Variants in CHTF18 observed in about 807,000 individuals in gnomAD.
The protein encoded by CHTF18 is chromosome transmission fidelity factor 18, also known as chromosome transmission fidelity protein 18 homolog.
CHTF18 carries 151 observed loss-of-function variants against 113.4 expected under a neutral mutation model. That is an observed-to-expected ratio of 1.33 (90% confidence interval 1.17 to 1.52). CHTF18 has a LOEUF of 1.52. Among genes scored for constraint, CHTF18 ranks in the 40% most tolerant of loss-of-function variants. The pLI is 0.00. For missense variants in CHTF18, 1,982 were observed against 1,381.6 expected, an observed-to-expected ratio of 1.43 and a Z score of -6.89; for synonymous variants, 916 against 598.8, an observed-to-expected ratio of 1.53 and a Z score of -7.74.
At chr16:792,852 T>C in intron 12 of CHTF18, 41 bp downstream of exon 12, 1 of 1,534,148 alleles carries the variant, frequency 6.5e-7, no homozygotes, top group Non-Finnish European at 8.8e-7. Flanking sequence ...ATGGCGGGGT[T>C]GGGGGCGTGG....
At chr16:793,928 A>G in intron 14 of CHTF18, 126 bp from the exon 15 acceptor site, 1 of 1,046,634 alleles carries the variant, frequency 9.6e-7, no homozygotes, top group Non-Finnish European at 1.4e-6. Flanking sequence ...CGAGGCAGCA[A>G]GGGCCCTGCT....
rs777169999 is a variant in CHTF18 at position 788,977 on chromosome 16, C to T, written c.138C>T (p.Gly46=). 38 of 1,564,696 alleles carry T rather than the reference C, an allele frequency of 2.4e-5. No homozygotes were observed. The Admixed American group carries it at 5.0e-4, about 21-fold the overall frequency. ...CCGGGGTCCCCCTGTTCACCGCGGG[C>T]CGACCCCCGCGGACGTTCGAGGAGG... ...SPSGVPLFTA[G]RPPRTFEEAL... Residue 46 remains glycine (G), a synonymous_variant, in exon 2 of 22, where the codon GGC becomes GGT. Transcript: ENST00000262315.
At chr16:794,705 G>A in intron 15 of CHTF18, 1 of 236,612 alleles carries the variant, frequency 4.2e-6, no homozygotes, top group South Asian at 7.2e-5. Context: ...GGGGCAGCGT[G>A]GAGCAGCGGC....
At chr16:790,477 G>C (rs767041424) in intron 6 of CHTF18, 48 bp from the exon 7 acceptor site, 1 of 1,608,148 alleles carries the variant, frequency 6.2e-7, no homozygotes. Context: ...GTGTGGGTTG[G>C]CATGGTCCCT....
rs2042326269 is a variant in CHTF18, at chr16:795,772, C to T, written c.2263C>T (p.Gln755Ter). 2.5e-6 allele frequency: 4 copies of T among 1,609,796 alleles called. No homozygotes were observed. Among genetic ancestry groups the T allele is most frequent in the Non-Finnish European group, 2.5e-6 (3 of 1,178,976 alleles). Reference sequence around the variant, plus strand: ...AGCCACGCGCAGCCGGGCCACGCCCCAGGCCCTGCTCCTCGATGCCCTCTG... The same window carrying T: ...AGCCACGCGCAGCCGGGCCACGCCCTAGGCCCTGCTCCTCGATGCCCTCTG... ...APATRSRATP[Q>*]ALLLDALCLL... The change falls in exon 17 of 22, where the codon CAG becomes TAG. Residue 755 changes from glutamine to a stop codon, truncating the protein, a stop_gained. Transcript: ENST00000262315. LOFTEE classifies it high-confidence loss of function.
rs2042190846 is a variant in CHTF18 at position 791,365 on chromosome 16, CAGA to C, written c.1102_1104del (p.Lys368del). ...GCTGGACCCGAGCCAGCGACCGAAG[CAGA>C]AGGTGAGCCCCGCTGGCTGTGCCGC... is the stretch of plus-strand genomic sequence containing the variant. On this transcript the variant is annotated inframe_deletion and splice_region_variant, in exon 8 of 22. Transcript: ENST00000262315. 7 of 1,601,328 alleles carry C rather than the reference CAGA, an allele frequency of 4.4e-6. No homozygotes were observed. Among genetic ancestry groups the C allele is most frequent in the Non-Finnish European group, 5.9e-6 (7 of 1,176,882 alleles).
chr16:793,697 C>A, intron 14 of CHTF18: 1 of 616,782 alleles, frequency 1.6e-6, no homozygotes, highest in Non-Finnish European at 3.0e-6. Context: ...GCCATGGGAC[C>A]CCAGGGGATG....
Position 793,026 on chromosome 16 carries a change from A to G in CHTF18, c.1633A>G (p.Thr545Ala). The change falls in exon 13 of 22, where the codon ACT (threonine) becomes GCT (alanine). Residue 545 changes from threonine (T) to alanine (A), a missense_variant. Coordinates refer to ENST00000262315, the MANE Select transcript of CHTF18 (RefSeq NM_022092.3). ...PGVLAALCEK[T>A]DNDIRACINT... is the part of the protein sequence containing the mutation. ...GGTGCTGGCCGCCCTCTGTGAGAAA[A>G]CTGACAATGACATCCGGGCCTGCAT... 1 of 1,564,228 alleles carries G rather than the reference A, an allele frequency of 6.4e-7. No individual in the cohort carries two copies. The highest frequency in any genetic ancestry group is 8.7e-7 in the Non-Finnish European group (1 of 1,155,920).
chr16:788,788 C>A lies in CHTF18; in HGVS notation c.91+13C>A, dbSNP rs774811529. On this transcript the variant is annotated intron_variant, in intron 1 of 21. Coordinates refer to ENST00000262315, the MANE Select transcript of CHTF18 (RefSeq NM_022092.3). ...GCAGAGCTGGAAGGTGGGGCGCGGCCCCCGGCCGTTGGGGAGGAGCTGCGA... is the reference window on the plus strand; with the variant it reads ...GCAGAGCTGGAAGGTGGGGCGCGGCACCCGGCCGTTGGGGAGGAGCTGCGA... 1 of 1,585,748 alleles carries A rather than the reference C, an allele frequency of 6.3e-7. No homozygotes were observed. Among genetic ancestry groups the A allele is most frequent in the Non-Finnish European group, 8.6e-7 (1 of 1,167,844 alleles).
In CHTF18 at chr16:790,441, T is replaced by C; in HGVS notation, c.752+42T>C. ...TTCCGCCCTGGGGACCCTTGTTGGC[T>C]CTTGCACCAACTCCTAGCTCCTAGC... On this transcript the variant is annotated intron_variant, in intron 6 of 21. Transcript: ENST00000262315. The C allele has an allele frequency of 2.5e-6, 4 of 1,611,604 alleles. No homozygotes were observed. In the South Asian group the frequency reaches 4.4e-5, roughly 18 times the overall value.
intron 14 of CHTF18, chr16:793,796 C>A: frequency 1.5e-6 from 1 of 651,812 alleles, no homozygotes; most frequent in Non-Finnish European, 2.8e-6. Context: ...GGGGGACTTT[C>A]CCTGGGGTCC....
intron 15 of CHTF18, among the ~76,000 whole-genome samples, chr16:794,474 C>A (rs561137857): frequency 6.6e-6 from 1 of 151,810 alleles, no homozygotes; most frequent in African/African-American, 2.4e-5. Flanking sequence ...GGACTCTCAG[C>A]GGGTTGGGGT....
chr16:793,542 A>T lies in CHTF18; in HGVS notation c.1802+268A>T, dbSNP rs913694284. ...TGGGGCCTCCAGGGCGTCCCTCTCC[A>T]GGGCGCCCCTTGACTCAGCTGCTGT... On this transcript the variant is annotated intron_variant, in intron 14 of 21. Coordinates refer to ENST00000262315, the MANE Select transcript of CHTF18 (RefSeq NM_022092.3). 1.2e-5 allele frequency: 7 copies of T among 581,596 alleles called. No individual in the cohort carries two copies. In the African/African-American group the frequency reaches 1.3e-4, roughly 11 times the overall value. 36.0% of individuals were successfully genotyped at this position (581,596 alleles called of 1,614,324 possible). A position where few individuals can be genotyped will look rare whatever the true frequency, so the allele number is the denominator to read the frequency against.
At position 797,752 on chromosome 16, in the gene CHTF18, G is replaced by T. The variant is rs2042395418; in HGVS notation, c.2791+1G>T. 1 of 1,609,228 alleles carries T rather than the reference G, an allele frequency of 6.2e-7. No homozygotes were observed. Among genetic ancestry groups the T allele is most frequent in the Non-Finnish European group, 8.5e-7 (1 of 1,179,254 alleles). On this transcript the variant is annotated splice_donor_variant, in intron 21 of 21. Coordinates refer to ENST00000262315, the MANE Select transcript of CHTF18 (RefSeq NM_022092.3). LOFTEE classifies it high-confidence loss of function. ...AGGAGCACAGCAGTCCCGAGTGCAG[G>T]TGTGTGTGGGGGTGTTGTGGGGTTG...
chr16:789,338 C>T lies in CHTF18; in HGVS notation c.415C>T (p.Leu139Phe), dbSNP rs1009902539. 7 of 1,599,278 alleles carry T rather than the reference C, an allele frequency of 4.4e-6. No homozygotes were observed. The highest frequency in any genetic ancestry group is 6.0e-6 in the Non-Finnish European group (7 of 1,173,404). ...CACCCCGCCGCCGAGCCCTGAGGAC[C>T]TCGCAGAGCTTTGGGGCCACGGGTG... ...DITPPPSPED[L>F]AELWGHGVSE... is the part of the protein sequence containing the mutation. Residue 139 changes from leucine to phenylalanine, a missense_variant, in exon 3 of 22, where the codon CTC (leucine) becomes TTC (phenylalanine). Leu to Phe is a conservative substitution (Grantham distance 22). Transcript: ENST00000262315.
chr16:790,411 G>C lies in CHTF18; in HGVS notation c.752+12G>C. The stretch of plus-strand genomic sequence containing the variant: ...GACACCCTGCACAGGTGACTTGGTT[G>C]GCCCTTCCGCCCTGGGGACCCTTGT... On this transcript the variant is annotated intron_variant, in intron 6 of 21. Coordinates refer to ENST00000262315, the MANE Select transcript of CHTF18 (RefSeq NM_022092.3). 6.2e-7 allele frequency: 1 copy of C among 1,612,308 alleles called. No homozygotes were observed. Among genetic ancestry groups the C allele is most frequent in the Non-Finnish European group, 8.5e-7 (1 of 1,179,750 alleles).
chr16:797,651 G>A (rs770891720), intron 20 of CHTF18, 43 bp from the exon 21 acceptor site: 6 of 1,601,418 alleles, frequency 3.7e-6, no homozygotes, highest in Admixed American at 1.7e-5. Flanking sequence ...GGGCTGGATG[G>A]GGCATCTGTC....
rs758318647 is a variant in CHTF18, at chr16:789,591, C to T, written c.482C>T (p.Pro161Leu). 14 of 1,606,792 alleles carry T rather than the reference C, an allele frequency of 8.7e-6. No individual in the cohort carries two copies. In the East Asian group the frequency reaches 1.3e-4, roughly 15 times the overall value. ...AADVGLTRAS[P>L]AARNPVLRRP... is the part of the protein sequence containing the mutation. ...GACGTGGGTCTCACACGGGCCTCAC[C>T]AGCTGCCCGCAATCCCGTCCTGAGG... The change falls in exon 4 of 22, where the codon CCA (proline) becomes CTA (leucine). Residue 161 changes from proline to leucine, a missense_variant. Transcript: ENST00000262315.
Position 794,885 on chromosome 16 carries a change from C to G in CHTF18, c.1951-247C>G, listed in dbSNP as rs929048392. On this transcript the variant is annotated intron_variant, in intron 15 of 21. Transcript: ENST00000262315. Reference sequence around the variant, plus strand: ...GTGTCAGTCTCTGTCAAGTCAGTCTCTGTCAAGCTGTAGCGAGGATGCTCA... The same window carrying G: ...GTGTCAGTCTCTGTCAAGTCAGTCTGTGTCAAGCTGTAGCGAGGATGCTCA... 4 of 534,462 alleles carry G rather than the reference C, an allele frequency of 7.5e-6. No individual in the cohort carries two copies. In the East Asian group the frequency reaches 1.3e-4, roughly 18 times the overall value. The allele number at this position is 534,462 out of a possible 1,614,324, so 33.1% of individuals were successfully genotyped here.
Sources: allele counts gnomAD v4.1 joint callset (sites outside exome capture counted in the v4.1 genomes callset), GRCh38; gene constraint gnomAD v4.1.1; transcripts MANE v1.5; gene names NCBI Gene and HGNC (gene_info 2026-07-23, HGNC 2026-07-21).